SCMH1: variants seen among roughly 807,000 people sequenced by gnomAD.
SCMH1 encodes polycomb protein SCMH1.
Under a neutral mutation model 70.8 loss-of-function variants are expected in SCMH1, and 37 were observed. The ratio of observed to expected loss-of-function variants is 0.52; its 90% CI spans 0.40 to 0.69. The LOEUF is 0.69. Among genes scored for constraint, SCMH1 ranks in the 30% least tolerant of loss-of-function variants. The pLI, the probability that SCMH1 is intolerant of heterozygous loss-of-function variation, is 0.00. For synonymous variants in SCMH1, 292 were observed against 307.4 expected (o/e 0.95, Z 0.52); for missense variants, 607 against 827.3 (o/e 0.73, Z 3.27).
intron 10 of SCMH1, among the ~76,000 whole-genome samples, chr1:41,069,320 A>G (rs1235753841): frequency 6.6e-6 from 1 of 152,180 alleles, no homozygotes; most frequent in Non-Finnish European, 1.5e-5. Flanking sequence ...GGTAGTCATT[A>G]GAAAAATAAC....
chr1:41,041,149 GATCTAAGAAA>G (rs1646109301), intron 12 of SCMH1, among the ~76,000 whole-genome samples: 1 of 151,852 alleles, frequency 6.6e-6, no homozygotes, highest in Admixed American at 6.6e-5. Context: ...TAGAGATGTT[GATCTAAGAAA>G]ATTCTTACAC....
intron 2 of SCMH1, among the ~76,000 whole-genome samples, chr1:41,177,366 A>G (rs1244733152): frequency 6.6e-6 from 1 of 152,208 alleles, no homozygotes; most frequent in East Asian, 1.9e-4. Context: ...GCTCCCCACC[A>G]GCAATGGAAC....
chr1:41,053,842 GTTTT>G (rs1359893118), intron 10 of SCMH1, among the ~76,000 whole-genome samples: 1 of 151,080 alleles, frequency 6.6e-6, no homozygotes, highest in Non-Finnish European at 1.5e-5. Flanking sequence ...TTTTTTTTTT[GTTTT>G]GTTTTTTTTT....
intron 8 of SCMH1, among the ~76,000 whole-genome samples, chr1:41,104,145 C>T (rs1026951790): frequency 2.6e-5 from 4 of 152,154 alleles, no homozygotes; most frequent in Admixed American, 2.6e-4. Flanking sequence ...CTACATGGTG[C>T]TATGCATTTG....
At chr1:41,237,668 C>A (rs927436610) in intron 1 of SCMH1, among the ~76,000 whole-genome samples, 1 of 152,152 alleles carries the variant, frequency 6.6e-6, no homozygotes, top group Non-Finnish European at 1.5e-5. Context: ...AGATACCATA[C>A]CCTATGCTTT....
chr1:41,143,169 T>C (rs1275912571), intron 5 of SCMH1, 57 bp from the exon 6 acceptor site: 30 of 1,370,304 alleles, frequency 2.2e-5, no homozygotes, highest in Non-Finnish European at 3.0e-5. Context: ...CCAAAATTCA[T>C]GTTTTGGATT....
chr1:41,161,902 G>A (rs1002728372), intron 2 of SCMH1, among the ~76,000 whole-genome samples: 1 of 152,202 alleles, frequency 6.6e-6, no homozygotes, highest in Admixed American at 6.5e-5. Flanking sequence ...ACCGCAGAAT[G>A]TAACTGTATT....
At chr1:41,220,058 T>C (rs1412794689) in intron 1 of SCMH1, among the ~76,000 whole-genome samples, 1 of 152,246 alleles carries the variant, frequency 6.6e-6, no homozygotes, top group Non-Finnish European at 1.5e-5. Context: ...TCTGTAGAAT[T>C]GGGCTTTTCA....
intron 1 of SCMH1, among the ~76,000 whole-genome samples, chr1:41,188,115 G>A (rs947895264): frequency 7.9e-5 from 12 of 152,164 alleles, no homozygotes; most frequent in Non-Finnish European, 4.4e-5. Flanking sequence ...GAACAGTAAC[G>A]TGAATCCTCA....
intron 1 of SCMH1, among the ~76,000 whole-genome samples, chr1:41,187,824 A>AT (rs1368394023): frequency 2.1e-4 from 32 of 151,670 alleles, no homozygotes; most frequent in African/African-American, 1.5e-4. Context: ...AAAAAAAAAA[A>AT]AAATATAAAA....
At chr1:41,235,804 C>A (rs1297974277) in intron 1 of SCMH1, among the ~76,000 whole-genome samples, 2 of 152,114 alleles carry the variant, frequency 1.3e-5, no homozygotes, top group African/African-American at 2.4e-5. Flanking sequence ...TTCTTTATTA[C>A]ATAAGTATGC....
rs370573304 is a variant in SCMH1, at chr1:41,162,609, C to T, written c.14-1177G>A. Reference sequence around the variant, plus strand: ...GAAGCCACCCATTCTAGGGCCTCCTCTTTGCTGAGAGCTGCAGAGATGACG... The same window carrying T: ...GAAGCCACCCATTCTAGGGCCTCCTTTTTGCTGAGAGCTGCAGAGATGACG... On this transcript the variant is annotated intron_variant, in intron 2 of 14. Coordinates refer to ENST00000337495, the Ensembl canonical transcript of SCMH1. Among the ~76,000 whole-genome samples the T allele has an allele frequency of 5.3e-5, 8 of 152,204 alleles. No homozygotes were observed. The East Asian group carries it at 7.7e-4, about 15-fold the overall frequency.
chr1:41,207,138 G>GGCAAATA (rs1301896588), intron 1 of SCMH1, among the ~76,000 whole-genome samples: 1 of 151,964 alleles, frequency 6.6e-6, no homozygotes, highest in Non-Finnish European at 1.5e-5. Context: ...TCAATTAATG[G>GGCAAATA]GCAAATAACC....
intron 4 of SCMH1, among the ~76,000 whole-genome samples, chr1:41,158,024 C>A (rs887402667): frequency 6.6e-6 from 1 of 152,100 alleles, no homozygotes; most frequent in African/African-American, 2.4e-5. Flanking sequence ...TAAAATAATA[C>A]CTGGGATATA....
chr1:41,034,879 T>C (rs1000852091), intron 13 of SCMH1, among the ~76,000 whole-genome samples: 1 of 152,194 alleles, frequency 6.6e-6, no homozygotes, highest in African/African-American at 2.4e-5. Flanking sequence ...CCTTGGTAAA[T>C]GAAGACTTTT....
chr1:41,153,216 A>C (rs922266691), intron 4 of SCMH1, among the ~76,000 whole-genome samples: 3 of 152,258 alleles, frequency 2.0e-5, no homozygotes, highest in Non-Finnish European at 4.4e-5. Context: ...GCACTGTCCA[A>C]TAAAACTTTC....
chr1:41,133,934 G>A (rs923898689), intron 6 of SCMH1, among the ~76,000 whole-genome samples: 1 of 152,204 alleles, frequency 6.6e-6, no homozygotes, highest in African/African-American at 2.4e-5. Context: ...CTCATTTTAT[G>A]AGGCCAGCAT....
intron 4 of SCMH1, among the ~76,000 whole-genome samples, chr1:41,159,450 C>T (rs1016367376): frequency 7.9e-5 from 12 of 152,120 alleles, no homozygotes; most frequent in African/African-American, 2.9e-4. Flanking sequence ...CTGTACCATG[C>T]CAGACTACGT....
chr1:41,198,711 G>T (rs1471589952), intron 1 of SCMH1, among the ~76,000 whole-genome samples: 3 of 152,136 alleles, frequency 2.0e-5, no homozygotes, highest in African/African-American at 7.2e-5. Flanking sequence ...ACTATAATTG[G>T]ATTGCATTAA....
Sources: allele counts gnomAD v4.1 joint callset (sites outside exome capture counted in the v4.1 genomes callset), GRCh38; gene constraint gnomAD v4.1.1; transcripts MANE v1.5; gene names NCBI Gene and HGNC (gene_info 2026-07-23, HGNC 2026-07-21).